Variants in IL1RAPL1 observed in about 807,000 individuals in gnomAD.
IL1RAPL1 encodes the protein interleukin 1 receptor accessory protein like 1, also known as interleukin-1 receptor accessory protein-like 1.
A neutral mutation model predicts 48.4 loss-of-function variants in IL1RAPL1; 3 were observed. The observed-to-expected ratio is 0.06, with a 90% CI of 0.03 to 0.16. The LOEUF (loss-of-function observed/expected upper bound fraction) is 0.16. Among genes scored for constraint, IL1RAPL1 ranks in the 10% least tolerant of loss-of-function variants. The pLI is 1.00. For synonymous variants in IL1RAPL1, 185 were observed against 187.7 expected, an observed-to-expected ratio of 0.99 and a Z score of 0.12; for missense variants, 349 against 530.6, an observed-to-expected ratio of 0.66 and a Z score of 3.36.
At chrX:29,704,666 C>T (rs1927145207) in intron 6 of IL1RAPL1, among the ~76,000 whole-genome samples, 1 of 110,935 alleles carries the variant, frequency 9.0e-6, no homozygotes, top group South Asian at 3.8e-4. Flanking sequence ...GAGACTCCAT[C>T]TCAAAAGGAA....
rs187774152 is a variant in IL1RAPL1, at chrX:29,650,566, T to G, written c.704-17864T>G. 1.0e-3 allele frequency among the ~76,000 whole-genome samples: 115 copies of G among 110,727 alleles called. 1 individual carries two copies. The highest frequency in any genetic ancestry group is 9.3e-4 in the Non-Finnish European group (49 of 52,730). ...AATAAATGGTTTTGGGAAAACTGGA[T>G]AGCCACATGCAGAAAAATGAAATTA... On this transcript the variant is annotated intron_variant, in intron 5 of 10. Transcript: ENST00000378993.
chrX:29,315,369 C>G (rs761053528), intron 3 of IL1RAPL1, among the ~76,000 whole-genome samples: 8 of 111,784 alleles, frequency 7.2e-5, no homozygotes, highest in East Asian at 2.8e-4. Context: ...GGGGTCCTAT[C>G]TTACACAGTT....
Position 29,282,918 on chromosome X carries a change from T to C in IL1RAPL1, c.83-20T>C. ...CTCTAATGTTTTTCCTCTCTTTCTC[T>C]GTCTCTTTTTTTACGATAGCCGATG... On this transcript the variant is annotated intron_variant, in intron 2 of 10. Transcript: ENST00000378993. 8.3e-7 allele frequency: 1 copy of C among 1,208,524 alleles called. No individual in the cohort carries two copies. Among genetic ancestry groups the C allele is most frequent in the South Asian group, 1.8e-5 (1 of 56,913 alleles).
chrX:28,672,998 A>G (rs1219512904), intron 1 of IL1RAPL1, among the ~76,000 whole-genome samples: 3 of 110,589 alleles, frequency 2.7e-5, no homozygotes, highest in South Asian at 3.8e-4. Flanking sequence ...GTTCCCTTCT[A>G]TGTGTTCATG....
chrX:29,593,645 T>C (rs1923452915), intron 5 of IL1RAPL1, among the ~76,000 whole-genome samples: 1 of 112,280 alleles, frequency 8.9e-6, no homozygotes, highest in South Asian at 3.7e-4. Flanking sequence ...TATTCTAGTA[T>C]GTATTCTTTA....
intron 6 of IL1RAPL1, among the ~76,000 whole-genome samples, chrX:29,745,995 A>G (rs926564910): frequency 1.2e-4 from 13 of 111,656 alleles, no homozygotes; most frequent in Non-Finnish European, 1.9e-4. Flanking sequence ...GATAAACATT[A>G]TTTTTAGACA....
intron 6 of IL1RAPL1, among the ~76,000 whole-genome samples, chrX:29,756,446 C>G (rs1928618235): frequency 9.0e-6 from 1 of 111,284 alleles, no homozygotes; most frequent in Non-Finnish European, 1.9e-5. Context: ...GAGTTTCACT[C>G]TTGTCTCCCA....
intron 5 of IL1RAPL1, among the ~76,000 whole-genome samples, chrX:29,576,814 ATT>A (rs1283966201): frequency 9.0e-6 from 1 of 111,211 alleles, no homozygotes; most frequent in African/African-American, 3.3e-5. Flanking sequence ...CAAGCCTTCC[ATT>A]AGTCTAGGTT....
intron 5 of IL1RAPL1, among the ~76,000 whole-genome samples, chrX:29,413,524 G>T (rs1397494607): frequency 5.6e-5 from 5 of 89,215 alleles, no homozygotes; most frequent in East Asian, 6.4e-4. Flanking sequence ...CCCACAACAG[G>T]CCCCGGTGTG....
At chrX:29,197,561 T>C (rs1054089563) in intron 2 of IL1RAPL1, among the ~76,000 whole-genome samples, 3 of 111,948 alleles carry the variant, frequency 2.7e-5, no homozygotes, top group African/African-American at 6.5e-5. Flanking sequence ...AGGTTGCTGA[T>C]TTTTTATATA....
intron 2 of IL1RAPL1, among the ~76,000 whole-genome samples, chrX:28,969,915 A>G (rs986223051): frequency 9.1e-6 from 1 of 109,529 alleles, no homozygotes. Context: ...ACACATATAT[A>G]TGTTTCTAAA....
chrX:29,467,345 G>T (rs186180393), intron 5 of IL1RAPL1, among the ~76,000 whole-genome samples: 27 of 112,597 alleles, frequency 2.4e-4, no homozygotes, highest in Admixed American at 1.5e-3. Context: ...CCATTGCTTC[G>T]CTCATTCTCT....
At chrX:29,363,479 T>A (rs1423787574) in intron 3 of IL1RAPL1, among the ~76,000 whole-genome samples, 1 of 111,785 alleles carries the variant, frequency 8.9e-6, no homozygotes, top group Non-Finnish European at 1.9e-5. Context: ...TTGCATAGAT[T>A]AGTATATGCC....
chrX:29,318,226 G>A (rs1040957777), intron 3 of IL1RAPL1, among the ~76,000 whole-genome samples: 4 of 112,178 alleles, frequency 3.6e-5, no homozygotes, highest in African/African-American at 1.3e-4. Context: ...TTTTCTTTGT[G>A]GCTGAATGTT....
chrX:28,834,353 T>C (rs1008662742), intron 2 of IL1RAPL1, among the ~76,000 whole-genome samples: 1 of 111,703 alleles, frequency 9.0e-6, no homozygotes, highest in African/African-American at 3.2e-5. Flanking sequence ...ATTTCTTTAT[T>C]GAGTTTTTTC....
chrX:28,635,185 G>A (rs892838160), intron 1 of IL1RAPL1, among the ~76,000 whole-genome samples: 40 of 112,146 alleles, frequency 3.6e-4, no homozygotes, highest in African/African-American at 1.3e-3. Context: ...CAAAATGTGA[G>A]TACTCTGGCT....
In IL1RAPL1 at chrX:29,083,491, A is replaced by C. The variant is rs187284919; in HGVS notation, c.83-199447A>C. Among the ~76,000 whole-genome samples the C allele has an allele frequency of 2.0e-3, 219 of 111,824 alleles. 1 individual carries two copies. Among genetic ancestry groups the C allele is most frequent in the Middle Eastern group, 9.2e-3 (2 of 217 alleles). Reference sequence around the variant, plus strand: ...AAGGGGCTGCCCAAGTTAAATATAGAAACATGTACTGTGAAGGGTCAGAAG... The same window carrying C: ...AAGGGGCTGCCCAAGTTAAATATAGCAACATGTACTGTGAAGGGTCAGAAG... On this transcript the variant is annotated intron_variant, in intron 2 of 10. Transcript: ENST00000378993.
At chrX:29,767,547 G>A (rs944008885) in intron 6 of IL1RAPL1, among the ~76,000 whole-genome samples, 3 of 111,700 alleles carry the variant, frequency 2.7e-5, no homozygotes, top group Non-Finnish European at 5.7e-5. Context: ...TACAAGGCAG[G>A]TTAGCATTAA....
chrX:28,722,640 T>C (rs993039193), intron 1 of IL1RAPL1, among the ~76,000 whole-genome samples: 4 of 110,857 alleles, frequency 3.6e-5, no homozygotes, highest in African/African-American at 1.3e-4. Context: ...TGAATAGGAG[T>C]GGTGAGAGAG....
Sources: gnomAD v4.1 joint callset for allele counts (sites outside exome capture counted in the v4.1 genomes callset) on GRCh38, gnomAD v4.1.1 for gene constraint, MANE v1.5 for transcripts, NCBI Gene and HGNC (gene_info 2026-07-23, HGNC 2026-07-21) for gene names.